HS6ST3: variants seen among roughly 807,000 people sequenced by gnomAD.
HS6ST3 encodes the protein heparan sulfate 6-O-sulfotransferase 3, also known as heparan-sulfate 6-O-sulfotransferase 3.
In HS6ST3, 12 loss-of-function variants were observed where a neutral mutation model predicts 36.7. The ratio of observed to expected loss-of-function variants is 0.33; its 90% CI spans 0.21 to 0.53. HS6ST3 has a LOEUF of 0.53. Among genes scored for constraint, HS6ST3 ranks in the 20% least tolerant of loss-of-function variants. The pLI is 0.95. For synonymous variants in HS6ST3, 240 were observed against 257.5 expected (o/e 0.93, Z 0.65); for missense variants, 584 against 640.9 (o/e 0.91, Z 0.96).
chr13:96,601,551 T>G (rs909537958), intron 1 of HS6ST3, among the ~76,000 whole-genome samples: 1 of 152,148 alleles, frequency 6.6e-6, no homozygotes, highest in Admixed American at 6.5e-5. Flanking sequence ...GGTTTTAACT[T>G]TCTCTTGGAT....
At chr13:96,716,909 G>A (rs1875711281) in intron 1 of HS6ST3, among the ~76,000 whole-genome samples, 1 of 152,192 alleles carries the variant, frequency 6.6e-6, no homozygotes, top group African/African-American at 2.4e-5. Context: ...GTAAGATCAA[G>A]CATGAGCTAG....
At chr13:96,741,809 T>C (rs1876445191) in intron 1 of HS6ST3, among the ~76,000 whole-genome samples, 1 of 152,200 alleles carries the variant, frequency 6.6e-6, no homozygotes, top group Non-Finnish European at 1.5e-5. Flanking sequence ...CAAGCAAATA[T>C]GTCAATAGCA....
chr13:96,534,515 G>A (rs1417404423), intron 1 of HS6ST3, among the ~76,000 whole-genome samples: 1 of 152,160 alleles, frequency 6.6e-6, no homozygotes, highest in African/African-American at 2.4e-5. Context: ...TTGGCACAGG[G>A]CCTCCATACG....
intron 1 of HS6ST3, among the ~76,000 whole-genome samples, chr13:96,341,361 T>A (rs2055129251): frequency 6.6e-6 from 1 of 152,172 alleles, no homozygotes; most frequent in Non-Finnish European, 1.5e-5. Flanking sequence ...TTGAACCACA[T>A]CAGTCTTAAA....
intron 1 of HS6ST3, among the ~76,000 whole-genome samples, chr13:96,112,143 T>C (rs114487054): frequency 0.012 from 1,819 of 152,194 alleles, 42 homozygotes; most frequent in African/African-American, 0.041. Context: ...ACAATTATAT[T>C]TATGAGTTGA....
At chr13:96,401,173 T>C (rs1235411514) in intron 1 of HS6ST3, among the ~76,000 whole-genome samples, 1 of 152,152 alleles carries the variant, frequency 6.6e-6, no homozygotes, top group Non-Finnish European at 1.5e-5. Flanking sequence ...AGAGTTTCCT[T>C]GCCTTTTGTA....
chr13:96,276,430 G>A (rs1260973533), intron 1 of HS6ST3, among the ~76,000 whole-genome samples: 1 of 152,138 alleles, frequency 6.6e-6, no homozygotes, highest in East Asian at 1.9e-4. Flanking sequence ...CCCCAAACCT[G>A]ACTGGGAGCA....
chr13:96,177,357 AC>A (rs779186705), intron 1 of HS6ST3, among the ~76,000 whole-genome samples: 1 of 152,212 alleles, frequency 6.6e-6, no homozygotes, highest in Non-Finnish European at 1.5e-5. Context: ...AATAGCAAAG[AC>A]ATGGAATCCA....
intron 1 of HS6ST3, among the ~76,000 whole-genome samples, chr13:96,427,587 A>T: frequency 6.6e-6 from 1 of 152,090 alleles, no homozygotes; most frequent in East Asian, 1.9e-4. Context: ...ATTTAGCATT[A>T]CAAAAACATT....
intron 1 of HS6ST3, among the ~76,000 whole-genome samples, chr13:96,105,000 TACAGGGCAAATAATGTAATTATTTGC>T (rs575664869): frequency 0.023 from 3,466 of 147,974 alleles, 60 homozygotes; most frequent in Non-Finnish European, 0.034. Flanking sequence ...CACAATAATG[TACAGGGCAAATAATGTAATTATTTGC>T]ACAGGACAAA....
chr13:96,321,347 A>G (rs1859949719), intron 1 of HS6ST3, among the ~76,000 whole-genome samples: 1 of 151,940 alleles, frequency 6.6e-6, no homozygotes, highest in African/African-American at 2.4e-5. Context: ...TGATCTCATG[A>G]TCTTTTCTGT....
chr13:96,320,857 A>T (rs2054999675), intron 1 of HS6ST3, among the ~76,000 whole-genome samples: 1 of 152,202 alleles, frequency 6.6e-6, no homozygotes, highest in Admixed American at 6.5e-5. Flanking sequence ...ACTTCCTCAC[A>T]GACACTCCTG....
chr13:96,570,319 A>G (rs1354999276), intron 1 of HS6ST3, among the ~76,000 whole-genome samples: 1 of 152,212 alleles, frequency 6.6e-6, no homozygotes, highest in Non-Finnish European at 1.5e-5. Context: ...TTAATGTTTA[A>G]TATCATTTGT....
At chr13:96,625,933 C>A (rs912122059) in intron 1 of HS6ST3, among the ~76,000 whole-genome samples, 3 of 151,850 alleles carry the variant, frequency 2.0e-5, no homozygotes, top group Non-Finnish European at 4.4e-5. Flanking sequence ...CTCCGCCTCC[C>A]AGGTTCACGC....
At chr13:96,460,282 G>A (rs2055777597) in intron 1 of HS6ST3, among the ~76,000 whole-genome samples, 1 of 152,112 alleles carries the variant, frequency 6.6e-6, no homozygotes, top group Admixed American at 6.6e-5. Context: ...AGATAGTACT[G>A]GGAATTTAGC....
chr13:96,754,163 A>G (rs1461379195), intron 1 of HS6ST3, among the ~76,000 whole-genome samples: 1 of 151,966 alleles, frequency 6.6e-6, no homozygotes, highest in Non-Finnish European at 1.5e-5. Context: ...CCTTTACTGA[A>G]CTCAAAACAT....
chr13:96,503,756 A>T (rs966275444), intron 1 of HS6ST3, among the ~76,000 whole-genome samples: 5 of 152,202 alleles, frequency 3.3e-5, no homozygotes, highest in African/African-American at 1.2e-4. Context: ...CTATGAACAC[A>T]CTGAATTCCT....
At chr13:96,809,976 G>A (rs4771965) in intron 1 of HS6ST3, among the ~76,000 whole-genome samples, 13,012 of 152,218 alleles carry the variant, frequency 0.085, 646 homozygotes, top group Non-Finnish European at 0.12. Flanking sequence ...GAGATAGCTG[G>A]TACTCAAGAA....
At chr13:96,166,525 T>C (rs1254986142) in intron 1 of HS6ST3, among the ~76,000 whole-genome samples, 1 of 151,958 alleles carries the variant, frequency 6.6e-6, no homozygotes, top group African/African-American at 2.4e-5. Flanking sequence ...TTTAATATAG[T>C]CTAGATTTTA....
Sources: gnomAD v4.1 joint callset for allele counts (sites outside exome capture counted in the v4.1 genomes callset) on GRCh38, gnomAD v4.1.1 for gene constraint, MANE v1.5 for transcripts, NCBI Gene and HGNC (gene_info 2026-07-23, HGNC 2026-07-21) for gene names.